The following WDR7 variants were observed in gnomAD, a reference collection of about 807,000 sequenced individuals.
WDR7 encodes WD repeat-containing protein 7.
Under a neutral mutation model 169.4 loss-of-function variants are expected in WDR7, and 46 were observed. That is an observed-to-expected ratio of 0.27 (90% confidence interval 0.21 to 0.35). WDR7 has a LOEUF of 0.35. WDR7 is among the 10% of genes least tolerant of loss of function. The pLI is 1.00. For missense variants in WDR7, 1,534 were observed against 1,859.3 expected (o/e 0.83, Z 3.22); for synonymous variants, 612 against 666.8 (o/e 0.92, Z 1.27).
chr18:56,745,767 G>A (rs965415725), intron 14 of WDR7, among the ~76,000 whole-genome samples: 5 of 152,114 alleles, frequency 3.3e-5, no homozygotes, highest in Non-Finnish European at 7.4e-5. Context: ...TATAAAAATA[G>A]CACTTGTAGC....
intron 22 of WDR7, among the ~76,000 whole-genome samples, chr18:56,931,615 A>G (rs2046885344): frequency 6.6e-6 from 1 of 151,790 alleles, no homozygotes; most frequent in Admixed American, 6.6e-5. Context: ...AGTTCATAAT[A>G]TAAAACTAAT....
chr18:56,836,371 G>C (rs2045396509), intron 20 of WDR7, among the ~76,000 whole-genome samples: 1 of 152,312 alleles, frequency 6.6e-6, no homozygotes, highest in African/African-American at 2.4e-5. Flanking sequence ...TCAGCCCCTG[G>C]ACAGGGCTCC....
intron 21 of WDR7, among the ~76,000 whole-genome samples, chr18:56,903,035 G>A (rs1211456098): frequency 6.6e-6 from 1 of 152,078 alleles, no homozygotes; most frequent in Non-Finnish European, 1.5e-5. Flanking sequence ...ATAAATATTG[G>A]CCTTTCTGAC....
At chr18:56,817,057 AG>A (rs571735560) in intron 20 of WDR7, among the ~76,000 whole-genome samples, 270 of 152,238 alleles carry the variant, frequency 1.8e-3, no homozygotes, top group African/African-American at 6.2e-3. Context: ...CAAAAATTAA[AG>A]GGAGGGCTGG....
chr18:56,767,813 T>C (rs1378221162), intron 16 of WDR7, among the ~76,000 whole-genome samples: 2 of 152,234 alleles, frequency 1.3e-5, no homozygotes, highest in Non-Finnish European at 2.9e-5. Context: ...TTCTTAGTAA[T>C]GGTAGTATGA....
At position 56,681,461 on chromosome 18, in the gene WDR7, A is replaced by T. The variant is rs1041633677; in HGVS notation, c.345+70A>T. ...ATATAATTTAAAATATTTTTAAAAC[A>T]TTGAGCCTATATTTTTATATGAAAA... On this transcript the variant is annotated intron_variant, in intron 4 of 27. Coordinates refer to ENST00000254442, the MANE Select transcript of WDR7 (RefSeq NM_015285.3). The T allele has an allele frequency of 3.0e-6, 3 of 1,001,874 alleles. No individual in the cohort carries two copies. In the East Asian group the frequency reaches 9.5e-5, roughly 32 times the overall value. The allele number at this position is 1,001,874 out of a possible 1,614,324, so 62.1% of individuals were successfully genotyped here.
At chr18:56,833,363 T>C (rs934932059) in intron 20 of WDR7, among the ~76,000 whole-genome samples, 3 of 152,002 alleles carry the variant, frequency 2.0e-5, no homozygotes, top group Non-Finnish European at 4.4e-5. Context: ...TATGGGACTA[T>C]GGGAGGAATA....
intron 21 of WDR7, among the ~76,000 whole-genome samples, chr18:56,899,621 G>T (rs1460220751): frequency 1.1e-4 from 17 of 151,542 alleles, no homozygotes; most frequent in Admixed American, 1.1e-3. Context: ...TATTTTCCTT[G>T]AGCCCACACT....
chr18:56,742,459 T>C (rs1599007998), intron 14 of WDR7, among the ~76,000 whole-genome samples: 1 of 152,264 alleles, frequency 6.6e-6, no homozygotes, highest in East Asian at 1.9e-4. Flanking sequence ...TTTGAAAATC[T>C]GCTCTTTATG....
intron 16 of WDR7, among the ~76,000 whole-genome samples, chr18:56,775,605 G>T (rs968189382): frequency 2.6e-5 from 4 of 151,974 alleles, no homozygotes; most frequent in African/African-American, 9.7e-5. Context: ...TAATAATAAA[G>T]AATTATAATT....
intron 1 of WDR7, among the ~76,000 whole-genome samples, chr18:56,671,723 G>A (rs1418097874): frequency 3.3e-5 from 5 of 152,196 alleles, no homozygotes; most frequent in Admixed American, 6.5e-5. Context: ...GGCTGCCTGG[G>A]TTCTGATCTG....
intron 22 of WDR7, among the ~76,000 whole-genome samples, chr18:56,933,885 C>T (rs2046923473): frequency 6.6e-6 from 1 of 152,246 alleles, no homozygotes; most frequent in Non-Finnish European, 1.5e-5. Flanking sequence ...GCACCCAGTT[C>T]TTCCTCTGTA....
chr18:56,686,073 C>T (rs1258568819), intron 6 of WDR7, 41 bp downstream of exon 6: 2 of 1,513,824 alleles, frequency 1.3e-6, no homozygotes, highest in Non-Finnish European at 1.8e-6. Flanking sequence ...TGTTTTTATT[C>T]TCTGTAGCTC....
At chr18:56,950,944 T>G (rs1433090355) in intron 25 of WDR7, among the ~76,000 whole-genome samples, 3 of 152,210 alleles carry the variant, frequency 2.0e-5, no homozygotes, top group African/African-American at 7.2e-5. Flanking sequence ...ATTCTTGAAG[T>G]GCCATTCTCA....
intron 21 of WDR7, chr18:56,891,000 G>A (rs1190251964): frequency 6.6e-6 from 1 of 152,136 alleles, no homozygotes; most frequent in Non-Finnish European, 1.5e-5. Context: ...CCAGGGGTGG[G>A]ATTCAGGCAT....
intron 20 of WDR7, among the ~76,000 whole-genome samples, chr18:56,852,911 TA>T (rs2045663683): frequency 6.6e-6 from 1 of 152,096 alleles, no homozygotes; most frequent in African/African-American, 2.4e-5. Flanking sequence ...TTTGAAATTT[TA>T]CTGAGTGTTA....
chr18:57,016,266 A>G (rs1362703500), intron 26 of WDR7, among the ~76,000 whole-genome samples: 2 of 152,004 alleles, frequency 1.3e-5, no homozygotes, highest in African/African-American at 4.8e-5. Flanking sequence ...ACGCTCGTGC[A>G]TTTTTCCAGT....
chr18:56,785,804 T>G (rs1267380090), intron 19 of WDR7, among the ~76,000 whole-genome samples: 1 of 151,640 alleles, frequency 6.6e-6, no homozygotes, highest in Non-Finnish European at 1.5e-5. Flanking sequence ...GCCAGTTGCT[T>G]TTCTCAGGAT....
chr18:56,739,817 T>C (rs534574002), intron 14 of WDR7, among the ~76,000 whole-genome samples: 11 of 152,026 alleles, frequency 7.2e-5, no homozygotes, highest in African/African-American at 1.9e-4. Flanking sequence ...CCATTGCTAT[T>C]AAGGTTTTCT....
Sources: gnomAD v4.1 joint callset for allele counts (sites outside exome capture counted in the v4.1 genomes callset) on GRCh38, gnomAD v4.1.1 for gene constraint, MANE v1.5 for transcripts, NCBI Gene and HGNC (gene_info 2026-07-23, HGNC 2026-07-21) for gene names.